The following KLHL32 variants were observed in gnomAD, a reference collection of about 807,000 sequenced individuals.
KLHL32 encodes the protein kelch like family member 32.
In KLHL32, 35 loss-of-function variants were observed where a neutral mutation model predicts 64.8. The ratio of observed to expected loss-of-function variants is 0.54; its 90% CI spans 0.41 to 0.72. KLHL32 has a LOEUF of 0.72. Ranked by LOEUF, KLHL32 falls within the 30% of genes least tolerant of loss-of-function variation. The pLI, the probability that KLHL32 is intolerant of heterozygous loss-of-function variation, is 0.00. For missense variants in KLHL32, 589 were observed against 768.5 expected (o/e 0.77, Z 2.76); for synonymous variants, 259 against 281.0 (o/e 0.92, Z 0.78).
chr6:96,929,018 A>G (rs12524472), intron 1 of KLHL32, among the ~76,000 whole-genome samples: 9,983 of 152,232 alleles, frequency 0.066, 401 homozygotes, highest in Middle Eastern at 0.14. Context: ...GGTTGGGTCA[A>G]TGTTTTTATT....
intron 3 of KLHL32, among the ~76,000 whole-genome samples, chr6:96,981,811 C>T (rs563163746): frequency 2.6e-5 from 4 of 152,008 alleles, no homozygotes; most frequent in East Asian, 3.9e-4. Context: ...ATTGTTTACC[C>T]GAAAATCATT....
At chr6:96,935,393 G>A (rs2127994092) in intron 1 of KLHL32, among the ~76,000 whole-genome samples, 1 of 152,204 alleles carries the variant, frequency 6.6e-6, no homozygotes, top group Admixed American at 6.5e-5. Flanking sequence ...TTGTTTTATT[G>A]AGTTACCTTT....
At chr6:97,025,134 G>A (rs1290780578) in intron 3 of KLHL32, 3 of 983,396 alleles carry the variant, frequency 3.1e-6, no homozygotes, top group Non-Finnish European at 3.6e-6. Flanking sequence ...ATCTGATCCT[G>A]TGAGCCTGAT....
intron 3 of KLHL32, chr6:96,999,407 C>T (rs577188760): frequency 3.1e-6 from 1 of 324,804 alleles, no homozygotes; most frequent in East Asian, 1.7e-4. Flanking sequence ...ACAACAACAA[C>T]AACAAAGAGT....
At chr6:96,915,440 C>G in the KLHL32 span, among the ~76,000 whole-genome samples, 2 of 152,106 alleles carry the variant, frequency 1.3e-5, no homozygotes, top group East Asian at 3.9e-4. Context: ...AATATGGCAA[C>G]AGATGATAGC....
chr6:97,039,089 CAAAAAAAAAAAAAAAAG>C (rs1784724407), intron 3 of KLHL32, among the ~76,000 whole-genome samples: 1 of 75,080 alleles, frequency 1.3e-5, no homozygotes, highest in African/African-American at 4.3e-5. Flanking sequence ...GACTCTGTCT[CAAAAAAAAAAAAAAAAG>C]AAAAAAAGAA....
intron 4 of KLHL32, among the ~76,000 whole-genome samples, chr6:97,047,774 T>G (rs894961026): frequency 4.6e-5 from 7 of 151,514 alleles, no homozygotes; most frequent in Non-Finnish European, 7.4e-5. Flanking sequence ...TTTTAGAAAA[T>G]CAAAAAGCAA....
At chr6:97,055,624 T>A (rs1175146609) in intron 4 of KLHL32, among the ~76,000 whole-genome samples, 1 of 151,792 alleles carries the variant, frequency 6.6e-6, no homozygotes. Flanking sequence ...ATGGTGAAAC[T>A]CTGTCTCTAC....
chr6:96,968,454 C>T (rs1040947141), intron 2 of KLHL32, among the ~76,000 whole-genome samples: 1 of 152,168 alleles, frequency 6.6e-6, no homozygotes, highest in Admixed American at 6.5e-5. Context: ...CTGCTCTAGA[C>T]CTGGCATCCA....
chr6:97,054,568 G>C (rs368043006), intron 4 of KLHL32, among the ~76,000 whole-genome samples: 6 of 152,212 alleles, frequency 3.9e-5, no homozygotes, highest in African/African-American at 1.2e-4. Context: ...TATGTTTGAT[G>C]CTTCAAAAGT....
chr6:97,125,476 G>T (rs1582246820), intron 7 of KLHL32, among the ~76,000 whole-genome samples: 1 of 152,342 alleles, frequency 6.6e-6, no homozygotes, highest in Non-Finnish European at 1.5e-5. Context: ...AGGAGAGAGA[G>T]ATCAGAATAC....
At chr6:97,050,812 G>A (rs943335503) in intron 4 of KLHL32, among the ~76,000 whole-genome samples, 6 of 152,084 alleles carry the variant, frequency 3.9e-5, no homozygotes, top group African/African-American at 1.4e-4. Context: ...AGACCAGCCT[G>A]GCCAACATGG....
intron 3 of KLHL32, among the ~76,000 whole-genome samples, chr6:96,987,010 G>C (rs1209193586): frequency 1.3e-5 from 2 of 152,130 alleles, no homozygotes; most frequent in Non-Finnish European, 2.9e-5. Context: ...GGCCATCTTG[G>C]CTCCACCCCC....
chr6:97,087,493 C>T lies in KLHL32; in HGVS notation c.627+2152C>T, dbSNP rs151075035. On this transcript the variant is annotated intron_variant, in intron 6 of 10. Transcript: ENST00000369261. Reference sequence around the variant, plus strand: ...AATTGCTGAATTGTTCATTACGGAACGTTCTCACTGTAATAAAGTGCTCAT... The same window carrying T: ...AATTGCTGAATTGTTCATTACGGAATGTTCTCACTGTAATAAAGTGCTCAT... 1.6e-3 allele frequency among the ~76,000 whole-genome samples: 238 copies of T among 152,274 alleles called. 3 individuals carry two copies. Among genetic ancestry groups the T allele is most frequent in the East Asian group, 0.013 (65 of 5,186 alleles).
chr6:96,988,481 T>C (rs1469410672), intron 3 of KLHL32, among the ~76,000 whole-genome samples: 3 of 152,082 alleles, frequency 2.0e-5, no homozygotes, highest in East Asian at 1.9e-4. Flanking sequence ...TGTGGAGAAA[T>C]GGGAACACTT....
chr6:97,110,294 G>T (rs1206937454), intron 6 of KLHL32, among the ~76,000 whole-genome samples: 1 of 152,060 alleles, frequency 6.6e-6, no homozygotes, highest in Admixed American at 6.6e-5. Flanking sequence ...AGAGTGTATC[G>T]CTTGTTTGAC....
intron 1 of KLHL32, among the ~76,000 whole-genome samples, chr6:96,950,893 A>G (rs1312938464): frequency 6.6e-6 from 1 of 152,174 alleles, no homozygotes; most frequent in East Asian, 1.9e-4. Context: ...AGAGCCCATG[A>G]GATGATAGTG....
intron 4 of KLHL32, among the ~76,000 whole-genome samples, chr6:97,043,964 C>T (rs540914622): frequency 2.0e-5 from 3 of 151,892 alleles, no homozygotes; most frequent in East Asian, 1.9e-4. Flanking sequence ...TTTAACTATT[C>T]GAGTTCTCAG....
At chr6:97,093,488 CTT>C (rs1794553376) in intron 6 of KLHL32, among the ~76,000 whole-genome samples, 1 of 152,210 alleles carries the variant, frequency 6.6e-6, no homozygotes, top group South Asian at 2.1e-4. Context: ...TACACCAACT[CTT>C]TAAGAAAACA....
Sources: allele counts gnomAD v4.1 joint callset (sites outside exome capture counted in the v4.1 genomes callset), GRCh38; gene constraint gnomAD v4.1.1; transcripts MANE v1.5; gene names NCBI Gene and HGNC (gene_info 2026-07-23, HGNC 2026-07-21).